CD8B: variants seen among roughly 807,000 people sequenced by gnomAD.
The protein encoded by CD8B is CD8 subunit beta.
In CD8B, 6 loss-of-function variants were observed where a neutral mutation model predicts 24.2. The ratio of observed to expected loss-of-function variants is 0.25; its 90% CI spans 0.14 to 0.49. CD8B has a LOEUF of 0.49. Among genes scored for constraint, CD8B ranks in the 20% least tolerant of loss-of-function variants. The pLI is 0.98. For synonymous variants in CD8B, 84 were observed against 108.3 expected (o/e 0.78, Z 1.39); for missense variants, 196 against 271.3 (o/e 0.72, Z 1.95).
intron 3 of CD8B, 107 bp downstream of exon 3, chr2:86,852,890 T>C: frequency 6.9e-7 from 1 of 1,447,400 alleles, no homozygotes; most frequent in Non-Finnish European, 9.3e-7. Context: ...GGAGATAGGC[T>C]CTAGAGTTGA....
chr2:86,854,355 A>T (rs2104572392), intron 2 of CD8B, among the ~76,000 whole-genome samples: 1 of 152,332 alleles, frequency 6.6e-6, no homozygotes. Flanking sequence ...AGTACCACAC[A>T]GGTGTCATAT....
At chr2:86,847,057 C>T (rs1675725665) in intron 3 of CD8B, among the ~76,000 whole-genome samples, 2 of 150,050 alleles carry the variant, frequency 1.3e-5, no homozygotes, top group South Asian at 2.1e-4. Flanking sequence ...CGTTCTTAGC[C>T]TCCCGAGTAG....
chr2:86,825,623 T>G (rs56153774), intron 5 of CD8B, among the ~76,000 whole-genome samples: 23,570 of 152,088 alleles, frequency 0.15, 2,196 homozygotes, highest in Admixed American at 0.21. Context: ...GTCCCAGAGC[T>G]CCAGCCAGCT....
chr2:86,843,672 C>A, intron 5 of CD8B: 1 of 985,346 alleles, frequency 1.0e-6, no homozygotes, highest in South Asian at 4.7e-5. Flanking sequence ...TCCATTGCTG[C>A]ACTTGCAGAG....
At chr2:86,855,630 C>A (rs1454042499) in intron 2 of CD8B, among the ~76,000 whole-genome samples, 4 of 152,238 alleles carry the variant, frequency 2.6e-5, no homozygotes, top group Non-Finnish European at 5.9e-5. Flanking sequence ...GTGCTGAGGG[C>A]AACTATTGTA....
chr2:86,860,344 C>T (rs1339406189), intron 1 of CD8B, among the ~76,000 whole-genome samples: 1 of 152,198 alleles, frequency 6.6e-6, no homozygotes, highest in African/African-American at 2.4e-5. Flanking sequence ...GCACAAGTGG[C>T]TGCTGGACTT....
chr2:86,856,935 T>C (rs1272066547), intron 2 of CD8B, among the ~76,000 whole-genome samples: 2 of 152,154 alleles, frequency 1.3e-5, no homozygotes, highest in Non-Finnish European at 2.9e-5. Context: ...AAATATAACA[T>C]TATTTAAATT....
At chr2:86,855,957 C>T (rs1232765552) in intron 2 of CD8B, among the ~76,000 whole-genome samples, 1 of 152,232 alleles carries the variant, frequency 6.6e-6, no homozygotes, top group African/African-American at 2.4e-5. Flanking sequence ...AGTTTAATCT[C>T]TCCCTCTCTG....
In CD8B at chr2:86,840,485, A is replaced by C. The variant is rs1393365207; in HGVS notation, c.*1822T>G. ...CAGACCAAGCACGGGCCATCCCTTCATCCGCATAGGGCGTCAATTCACCTC... is the reference window on the plus strand; with the variant it reads ...CAGACCAAGCACGGGCCATCCCTTCCTCCGCATAGGGCGTCAATTCACCTC... On this transcript the variant is annotated 3_prime_UTR_variant, in exon 6 of 6. Transcript: ENST00000390655. Among the ~76,000 whole-genome samples the C allele has an allele frequency of 1.3e-5, 2 of 152,192 alleles. No homozygotes were observed. Among genetic ancestry groups the C allele is most frequent in the Non-Finnish European group, 2.9e-5 (2 of 68,040 alleles).
At chr2:86,861,755 A>C (rs917420443) in intron 1 of CD8B, 68 bp downstream of exon 1, 1 of 1,170,414 alleles carries the variant, frequency 8.5e-7, no homozygotes, top group Middle Eastern at 3.2e-4. Flanking sequence ...CAGGACAGCC[A>C]CTTATCACCT....
At chr2:86,856,510 C>T (rs575579751) in intron 2 of CD8B, among the ~76,000 whole-genome samples, 136 of 152,288 alleles carry the variant, frequency 8.9e-4, no homozygotes, top group Middle Eastern at 3.4e-3. Context: ...CGGGGCATCA[C>T]TTTGGTTTGT....
At chr2:86,860,035 C>T (rs1171695865) in intron 1 of CD8B, among the ~76,000 whole-genome samples, 3 of 151,880 alleles carry the variant, frequency 2.0e-5, no homozygotes, top group Non-Finnish European at 2.9e-5. Context: ...TTTGGGAGAT[C>T]GAGGCAGGAG....
intron 3 of CD8B, among the ~76,000 whole-genome samples, chr2:86,847,856 G>T (rs1282404663): frequency 6.6e-6 from 1 of 152,164 alleles, no homozygotes; most frequent in Non-Finnish European, 1.5e-5. Flanking sequence ...GTGAGCTACC[G>T]CAACTGGCCT....
chr2:86,822,412 T>A, intron 5 of CD8B: 1 of 1,264,764 alleles, frequency 7.9e-7, no homozygotes, highest in Non-Finnish European at 1.1e-6. Context: ...TGTTAAATGT[T>A]AAAAGCAATG....
chr2:86,847,877 T>C (rs937748586), intron 3 of CD8B, among the ~76,000 whole-genome samples: 3 of 152,210 alleles, frequency 2.0e-5, no homozygotes, highest in Admixed American at 1.3e-4. Context: ...TAAATACATA[T>C]AGTTTTAAAA....
At chr2:86,848,701 A>ATTAATTAATTATTTATTTATTTATTTTAT (rs58311096) in intron 3 of CD8B, among the ~76,000 whole-genome samples, 4 of 58,882 alleles carry the variant, frequency 6.8e-5, no homozygotes, top group Non-Finnish European at 9.1e-5. Flanking sequence ...GTATTTTTAA[A>ATTAATTAATTATTTATTTATTTATTTTAT]TTATTTATTT....
rs1003573858 is a variant in CD8B at position 86,841,686 on chromosome 2, C to T, written c.*621G>A. 3.0e-6 allele frequency: 3 copies of T among 983,854 alleles called. No individual in the cohort carries two copies. Among genetic ancestry groups the T allele is most frequent in the Admixed American group, 1.2e-4 (2 of 16,246 alleles). The allele number at this position is 983,854 out of a possible 1,614,324, so 60.9% of individuals were successfully genotyped here. A position where few individuals can be genotyped will look rare whatever the true frequency, so the allele number is the denominator to read the frequency against. On this transcript the variant is annotated 3_prime_UTR_variant, in exon 6 of 6. Coordinates refer to ENST00000390655, the MANE Select transcript of CD8B (RefSeq NM_004931.5). ...AGCCATGGGAGAGTAGAAATGGGAGCTGAGAAACTTAAGAGTAGAAATGGG... is the reference window on the plus strand; with the variant it reads ...AGCCATGGGAGAGTAGAAATGGGAGTTGAGAAACTTAAGAGTAGAAATGGG...
chr2:86,841,705 A>C lies in CD8B; in HGVS notation c.*602T>G, dbSNP rs185836574. 66 of 985,346 alleles carry C rather than the reference A, an allele frequency of 6.7e-5. No homozygotes were observed. The highest frequency in any genetic ancestry group is 1.2e-4 in the Admixed American group (2 of 16,282). 61.0% of individuals were successfully genotyped at this position (985,346 alleles called of 1,614,324 possible). A position where few individuals can be genotyped will look rare whatever the true frequency, so the allele number is the denominator to read the frequency against. ...TGGGAGCTGAGAAACTTAAGAGTAG[A>C]AATGGGAGCTGAGAAGATGAAGTGA... On this transcript the variant is annotated 3_prime_UTR_variant, in exon 6 of 6. Transcript: ENST00000390655.
In CD8B at chr2:86,819,239, G is replaced by A. The variant is rs76557833; in HGVS notation, c.621-3521C>T. ...ACTAATAGGTGCTGCAGCACAGCAG[G>A]TTATCCAAAAGAGCTTTCTAAGATT... On this transcript the variant is annotated intron_variant, in intron 5 of 5. Coordinates refer to the CD8B transcript ENST00000331469. Among the ~76,000 whole-genome samples the A allele has an allele frequency of 9.0e-3, 1,366 of 152,264 alleles. 16 individuals carry two copies. The highest frequency in any genetic ancestry group is 0.031 in the African/African-American group (1,294 of 41,556).
Sources: allele counts gnomAD v4.1 joint callset (sites outside exome capture counted in the v4.1 genomes callset), GRCh38; gene constraint gnomAD v4.1.1; transcripts MANE v1.5; gene names NCBI Gene and HGNC (gene_info 2026-07-23, HGNC 2026-07-21).